The following NEBL variants were observed in gnomAD, a reference collection of about 807,000 sequenced individuals.
The protein encoded by NEBL is LIM and SH3 protein 2.
A neutral mutation model predicts 140.2 loss-of-function variants in NEBL; 122 were observed. The observed-to-expected ratio is 0.87, with a 90% confidence interval of 0.75 to 1.01. NEBL has a LOEUF of 1.01. NEBL is among the 50% of genes least tolerant of loss of function. NEBL has a pLI of 0.00. For synonymous variants in NEBL, 436 were observed against 398.9 expected (o/e 1.09, Z -1.11); for missense variants, 1,365 against 1,231.3 (o/e 1.11, Z -1.62).
intron 2 of NEBL, among the ~76,000 whole-genome samples, chr10:20,894,926 CTAAAAAAAAAA>C (rs1293070731): frequency 1.1e-3 from 113 of 102,656 alleles, no homozygotes; most frequent in African/African-American, 4.7e-3. Flanking sequence ...GAGACTCTGT[CTAAAAAAAAAA>C]AAAAAAAAAA....
intron 3 of NEBL, among the ~76,000 whole-genome samples, chr10:21,214,487 G>A (rs143005366): frequency 0.028 from 4,231 of 149,830 alleles, 85 homozygotes; most frequent in Non-Finnish European, 0.031. Context: ...ACACACACGC[G>A]CACATTACAC....
rs67288319 is a variant in NEBL, at chr10:20,888,227, G to GA, written c.259-21dup. On this transcript the variant is annotated intron_variant, in intron 3 of 27. Coordinates refer to ENST00000377122, the MANE Select transcript of NEBL (RefSeq NM_006393.3). ...TTTTGCCTGGGGGAAAAAAAAACAG[G>GA]AAAAAAATAAATAAATAAACTTCCA... 1 of 1,329,988 alleles carries GA rather than the reference G, an allele frequency of 7.5e-7. No individual in the cohort carries two copies. The highest frequency in any genetic ancestry group is 1.2e-5 in the South Asian group (1 of 82,588). 82.4% of individuals were successfully genotyped at this position (1,329,988 alleles called of 1,614,324 possible). A position where few individuals can be genotyped will look rare whatever the true frequency, so the allele number is the denominator to read the frequency against.
chr10:21,250,311 T>C (rs778163047), intron 2 of NEBL, among the ~76,000 whole-genome samples: 5 of 152,112 alleles, frequency 3.3e-5, no homozygotes, highest in African/African-American at 9.7e-5. Flanking sequence ...AAAGGCTAGA[T>C]TGGCCTAGCC....
rs565996407 is a variant in NEBL at position 20,841,710 on chromosome 10, G to A, written c.1228-861C>T. 3 of 152,192 alleles carry A rather than the reference G, an allele frequency of 2.0e-5. No homozygotes were observed. The East Asian group carries it at 5.8e-4, about 29-fold the overall frequency. 9.4% of individuals were successfully genotyped at this position (152,192 alleles called of 1,614,324 possible). ...AACTAGGGTAGACCAAAAAGGAGATGCAATCACTCATGGAATAGAAAATCC... is the reference window on the plus strand; with the variant it reads ...AACTAGGGTAGACCAAAAAGGAGATACAATCACTCATGGAATAGAAAATCC... On this transcript the variant is annotated intron_variant, in intron 12 of 27. Transcript: ENST00000377122.
intron 7 of NEBL, among the ~76,000 whole-genome samples, chr10:20,866,933 G>A (rs988555965): frequency 4.6e-5 from 7 of 151,764 alleles, no homozygotes; most frequent in African/African-American, 1.7e-4. Context: ...GAACAACATT[G>A]GACCCAAATC....
intron 2 of NEBL, among the ~76,000 whole-genome samples, chr10:21,037,604 T>G (rs1003561781): frequency 1.3e-5 from 2 of 152,194 alleles, no homozygotes; most frequent in Admixed American, 1.3e-4. Context: ...AAATGTTCCA[T>G]ACCTTGATTG....
At chr10:20,794,141 G>C (rs952838772) in intron 26 of NEBL, among the ~76,000 whole-genome samples, 1 of 152,230 alleles carries the variant, frequency 6.6e-6, no homozygotes, top group African/African-American at 2.4e-5. Flanking sequence ...TCCTGGGAAA[G>C]CCAGTGCCAC....
intron 4 of NEBL, among the ~76,000 whole-genome samples, chr10:20,944,065 T>C (rs1034024035): frequency 6.6e-6 from 1 of 152,150 alleles, no homozygotes; most frequent in African/African-American, 2.4e-5. Context: ...ACACAGTCAA[T>C]AAAAACAATA....
In NEBL at chr10:21,046,975, GA is replaced by G. The variant is rs760088548; in HGVS notation, c.165-26775del. ...GGGGAAGACATCCATTTTGGATGGGGAAAAAAACAAGTATATATATGATTTT... is the reference window on the plus strand; with the variant it reads ...GGGGAAGACATCCATTTTGGATGGGGAAAAAACAAGTATATATATGATTTT... On this transcript the variant is annotated intron_variant, in intron 2 of 6. Coordinates refer to the NEBL transcript ENST00000417816. Among the ~76,000 whole-genome samples the G allele has an allele frequency of 5.3e-5, 8 of 152,072 alleles. No individual in the cohort carries two copies. In the South Asian group the frequency reaches 1.7e-3, roughly 32 times the overall value.
chr10:21,090,666 C>T (rs752378346), intron 2 of NEBL, among the ~76,000 whole-genome samples: 2 of 152,194 alleles, frequency 1.3e-5, no homozygotes, highest in Non-Finnish European at 2.9e-5. Context: ...ACCTGTGTCA[C>T]ACAACATCAC....
chr10:21,122,866 G>T (rs550037273), intron 2 of NEBL, among the ~76,000 whole-genome samples: 5 of 152,252 alleles, frequency 3.3e-5, no homozygotes, highest in African/African-American at 1.2e-4. Context: ...TTCCCTCCTT[G>T]TATATGCCTT....
At chr10:21,043,088 T>G (rs1398435106) in intron 2 of NEBL, among the ~76,000 whole-genome samples, 1 of 152,194 alleles carries the variant, frequency 6.6e-6, no homozygotes, top group Non-Finnish European at 1.5e-5. Flanking sequence ...ACAGCTCTTC[T>G]AGAGACTTAA....
chr10:21,052,927 C>T (rs1051562522), intron 2 of NEBL, among the ~76,000 whole-genome samples: 1 of 152,154 alleles, frequency 6.6e-6, no homozygotes, highest in Non-Finnish European at 1.5e-5. Flanking sequence ...ATGGAAAGAG[C>T]ATGTTCTAGG....
chr10:21,103,142 T>C (rs1837551742), intron 2 of NEBL, among the ~76,000 whole-genome samples: 1 of 152,060 alleles, frequency 6.6e-6, no homozygotes, highest in Admixed American at 6.6e-5. Flanking sequence ...AAAATATTTG[T>C]ACTATTTTAT....
intron 3 of NEBL, among the ~76,000 whole-genome samples, chr10:21,198,509 T>C (rs1022698065): frequency 6.6e-6 from 1 of 152,142 alleles, no homozygotes; most frequent in African/African-American, 2.4e-5. Flanking sequence ...TGCTAGCAAA[T>C]GTGGAATGTA....
chr10:20,812,416 C>T lies in NEBL; in HGVS notation c.2518+353G>A, dbSNP rs186213356. ...ATACATGTGCCACGTTGGTGTGCTG[C>T]ACCCTTAACTCGTCATTTACATTAG... On this transcript the variant is annotated intron_variant, in intron 24 of 27. Transcript: ENST00000377122. Among the ~76,000 whole-genome samples the T allele has an allele frequency of 1.4e-4, 21 of 151,882 alleles. No individual in the cohort carries two copies. The East Asian group carries it at 3.5e-3, about 25-fold the overall frequency.
intron 2 of NEBL, among the ~76,000 whole-genome samples, chr10:21,073,168 C>G (rs192491714): frequency 8.5e-4 from 129 of 152,210 alleles, no homozygotes; most frequent in Non-Finnish European, 1.1e-3. Flanking sequence ...GGAAAAATGT[C>G]TTCATTCATC....
chr10:20,881,883 T>C (rs1023582435), intron 4 of NEBL, among the ~76,000 whole-genome samples: 1 of 152,150 alleles, frequency 6.6e-6, no homozygotes, highest in Non-Finnish European at 1.5e-5. Context: ...TTAAATGGAG[T>C]TGGAATTACT....
intron 3 of NEBL, among the ~76,000 whole-genome samples, chr10:21,219,613 G>C (rs779688855): frequency 2.0e-4 from 30 of 152,048 alleles, no homozygotes; most frequent in Non-Finnish European, 3.8e-4. Context: ...TTCTAGGACT[G>C]TTTTTTTCTA....
Sources: allele counts gnomAD v4.1 joint callset (sites outside exome capture counted in the v4.1 genomes callset), GRCh38; gene constraint gnomAD v4.1.1; transcripts MANE v1.5; gene names NCBI Gene and HGNC (gene_info 2026-07-23, HGNC 2026-07-21).